The following ADCY2 variants were observed in gnomAD, a reference collection of about 807,000 sequenced individuals.
The protein encoded by ADCY2 is adenylate cyclase type 2.
In ADCY2, 31 loss-of-function variants were observed where a neutral mutation model predicts 125.2. The observed-to-expected ratio is 0.25, with a 90% CI of 0.19 to 0.33. The LOEUF is 0.33. ADCY2 is among the 10% of genes least tolerant of loss of function. ADCY2 has a pLI of 1.00. For missense variants in ADCY2, 904 were observed against 1,418.2 expected, an observed-to-expected ratio of 0.64 and a Z score of 5.82; for synonymous variants, 512 against 548.4, an observed-to-expected ratio of 0.93 and a Z score of 0.93.
At position 7,396,955 on chromosome 5, in the gene ADCY2, G is replaced by T. The variant is rs1047507287; in HGVS notation, c.210+449G>T. Among the ~76,000 whole-genome samples, 2 of 152,182 alleles carry T rather than the reference G, an allele frequency of 1.3e-5. No homozygotes were observed. Among genetic ancestry groups the T allele is most frequent in the African/African-American group, 2.4e-5 (1 of 41,448 alleles). ...CAGTTGGCATTTTAGTTGGGATTGG[G>T]CGTTATTCAACTCTGCAGAAAGCCT... On this transcript the variant is annotated intron_variant, in intron 1 of 24. Coordinates refer to ENST00000338316, the MANE Select transcript of ADCY2 (RefSeq NM_020546.3). This position sits in a 1 kb window ranked among gnomAD's most constrained non-coding sequence, Gnocchi z 5.7.
intron 19 of ADCY2, 110 bp from the exon 20 acceptor site, chr5:7,789,532 G>C: frequency 9.3e-7 from 1 of 1,075,594 alleles, no homozygotes; most frequent in East Asian, 2.5e-5. Flanking sequence ...TCTGTTTGGG[G>C]GTTCTTTTTT....
At chr5:7,521,195 T>A (rs764057954) in intron 3 of ADCY2, among the ~76,000 whole-genome samples, 20 of 152,338 alleles carry the variant, frequency 1.3e-4, no homozygotes, top group Non-Finnish European at 2.5e-4. Context: ...GGTCAAAAGG[T>A]GTTCTTATAT....
At chr5:7,520,481 C>A (rs1339586172) in intron 2 of ADCY2, among the ~76,000 whole-genome samples, 3 of 152,160 alleles carry the variant, frequency 2.0e-5, no homozygotes, top group Non-Finnish European at 4.4e-5. Flanking sequence ...AGCTTTGCAT[C>A]CATACTCATG....
At chr5:7,779,584 C>A (rs1480602078) in intron 18 of ADCY2, among the ~76,000 whole-genome samples, 3 of 146,294 alleles carry the variant, frequency 2.1e-5, no homozygotes, top group African/African-American at 7.6e-5. Context: ...ACCCCCCCCC[C>A]AACACACACT....
chr5:7,744,602 G>A (rs1042406518), intron 15 of ADCY2, among the ~76,000 whole-genome samples: 3 of 152,198 alleles, frequency 2.0e-5, no homozygotes, highest in African/African-American at 4.8e-5. Context: ...TGAGAGCATC[G>A]TAAGGATGCA....
chr5:7,710,791 G>A (rs115928233), intron 10 of ADCY2, among the ~76,000 whole-genome samples: 12 of 152,302 alleles, frequency 7.9e-5, no homozygotes, highest in African/African-American at 2.6e-4. Context: ...AGACTGCAGG[G>A]GTCCCCGGTG....
rs979159342 is a variant in ADCY2 at position 7,784,540 on chromosome 5, GAAAC to G, written c.2469+96_2469+99del. 4.6e-5 allele frequency: 41 copies of G among 896,626 alleles called. No individual in the cohort carries two copies. The African/African-American group carries it at 5.9e-4, about 13-fold the overall frequency. The allele number at this position is 896,626 out of a possible 1,614,324, so 55.5% of individuals were successfully genotyped here. ...CTGTGCATTGTAGTTAATCTTCTTG[GAAAC>G]AAACGTCTAAGAATTAGAATCATCT... On this transcript the variant is annotated intron_variant, in intron 19 of 24. Transcript: ENST00000338316.
intron 15 of ADCY2, among the ~76,000 whole-genome samples, chr5:7,748,272 C>A (rs1742690790): frequency 1.3e-5 from 2 of 152,070 alleles, no homozygotes; most frequent in African/African-American, 4.8e-5. Flanking sequence ...AAGTCGGTGG[C>A]CTTCGTCACA....
chr5:7,621,973 C>A (rs1051000156), intron 3 of ADCY2, among the ~76,000 whole-genome samples: 1 of 152,138 alleles, frequency 6.6e-6, no homozygotes, highest in Admixed American at 6.5e-5. Context: ...GCTATTATTA[C>A]CTTAAATAAT....
At chr5:7,442,112 C>G (rs1741037404) in intron 2 of ADCY2, among the ~76,000 whole-genome samples, 1 of 152,170 alleles carries the variant, frequency 6.6e-6, no homozygotes, top group African/African-American at 2.4e-5. Context: ...AGTCTATACT[C>G]TGATTGCCCC....
chr5:7,467,008 C>A (rs1742145820), intron 2 of ADCY2, among the ~76,000 whole-genome samples: 1 of 152,154 alleles, frequency 6.6e-6, no homozygotes, highest in African/African-American at 2.4e-5. Context: ...GCCTGGTCAG[C>A]CACGCATTTT....
intron 3 of ADCY2, among the ~76,000 whole-genome samples, chr5:7,608,309 T>C (rs997618615): frequency 6.6e-6 from 1 of 152,074 alleles, no homozygotes; most frequent in African/African-American, 2.4e-5. Context: ...AGGCTGGGTG[T>C]GGTGGCTCAC....
chr5:7,701,617 C>G (rs115932388), intron 7 of ADCY2, among the ~76,000 whole-genome samples: 1,842 of 152,270 alleles, frequency 0.012, 29 homozygotes, highest in African/African-American at 0.033. Flanking sequence ...TCACCCCAGA[C>G]AGAAATTCTG....
intron 4 of ADCY2, among the ~76,000 whole-genome samples, chr5:7,668,871 T>C (rs529015706): frequency 6.6e-6 from 1 of 152,332 alleles, no homozygotes; most frequent in African/African-American, 2.4e-5. Flanking sequence ...GTTCAGTCTA[T>C]ACTAATTTTG....
rs369922244 is a variant in ADCY2 at position 7,496,814 on chromosome 5, C to A, written c.409-23924C>A. 3.9e-4 allele frequency among the ~76,000 whole-genome samples: 59 copies of A among 152,004 alleles called. No individual in the cohort carries two copies. The East Asian group carries it at 0.01, about 26-fold the overall frequency. Reference sequence around the variant, plus strand: ...CAAAAAGTTAGCAAATATAATGGGGCAATAACTTTATTTACATGAATAATA... The same window carrying A: ...CAAAAAGTTAGCAAATATAATGGGGAAATAACTTTATTTACATGAATAATA... On this transcript the variant is annotated intron_variant, in intron 2 of 24. Coordinates refer to ENST00000338316, the MANE Select transcript of ADCY2 (RefSeq NM_020546.3).
chr5:7,561,412 G>T (rs1735704384), intron 3 of ADCY2, among the ~76,000 whole-genome samples: 5 of 152,142 alleles, frequency 3.3e-5, no homozygotes, highest in Admixed American at 2.0e-4. Flanking sequence ...AATGCTGTAG[G>T]CAGTTGTAAC....
intron 3 of ADCY2, among the ~76,000 whole-genome samples, chr5:7,527,736 A>T (rs1734521500): frequency 1.3e-5 from 2 of 152,272 alleles, no homozygotes; most frequent in Non-Finnish European, 1.5e-5. Flanking sequence ...CACCTAATAC[A>T]GCAAATCATC....
At chr5:7,423,877 C>A (rs969366287) in intron 2 of ADCY2, among the ~76,000 whole-genome samples, 8 of 152,302 alleles carry the variant, frequency 5.3e-5, no homozygotes, top group African/African-American at 1.9e-4. Flanking sequence ...TGAAAATTGG[C>A]ATCATGACTA....
At chr5:7,445,480 C>T (rs1037117867) in intron 2 of ADCY2, among the ~76,000 whole-genome samples, 2 of 152,164 alleles carry the variant, frequency 1.3e-5, no homozygotes, top group Non-Finnish European at 2.9e-5. Context: ...TATAATATTA[C>T]ACATTTTATA....
Sources: allele counts gnomAD v4.1 joint callset (sites outside exome capture counted in the v4.1 genomes callset), GRCh38; gene constraint gnomAD v4.1.1; non-coding constraint Gnocchi (gnomAD v3.1); transcripts MANE v1.5; gene names NCBI Gene and HGNC (gene_info 2026-07-23, HGNC 2026-07-21).